The following OSBPL6 variants were observed in gnomAD, a reference collection of about 807,000 sequenced individuals.
The protein encoded by OSBPL6 is oxysterol binding protein like 6, also known as oxysterol-binding protein-related protein 6.
In OSBPL6, 49 loss-of-function variants were observed where a neutral mutation model predicts 125.8. The ratio of observed to expected loss-of-function variants is 0.39; its 90% CI spans 0.31 to 0.49. The LOEUF (loss-of-function observed/expected upper bound fraction) is 0.49. Among genes scored for constraint, OSBPL6 ranks in the 20% least tolerant of loss-of-function variants. The pLI is 0.88. For missense variants in OSBPL6, 986 were observed against 1,135.4 expected (o/e 0.87, Z 1.89); for synonymous variants, 394 against 391.8 (o/e 1.01, Z -0.07).
At chr2:178,349,184 G>A (rs1691002944) in intron 11 of OSBPL6, 40 bp from the exon 12 acceptor site, 1 of 1,589,562 alleles carries the variant, frequency 6.3e-7, no homozygotes. Context: ...GTGAAACAAT[G>A]CACTGTTGCT....
intron 3 of OSBPL6, among the ~76,000 whole-genome samples, chr2:178,317,518 A>C (rs1355983044): frequency 6.8e-6 from 1 of 146,000 alleles, no homozygotes; most frequent in East Asian, 2.0e-4. Flanking sequence ...ATTTATGAGA[A>C]CATATTGTAT....
chr2:178,391,164 A>G lies in OSBPL6; in HGVS notation c.2393A>G (p.His798Arg). The G allele has an allele frequency of 6.2e-7, 1 of 1,613,992 alleles. No individual in the cohort carries two copies. The change falls in exon 22 of 25, where the codon CAT becomes CGT. Residue 798 changes from histidine (H) to arginine (R), a missense_variant. This residue lies in a region of OSBPL6 where 843 missense variants were observed against 997.3 expected (regional missense o/e 0.85). Coordinates refer to ENST00000190611, the MANE Select transcript of OSBPL6 (RefSeq NM_032523.4). ...KAVYRLFGKW[H>R]EGLYCGVAPS... Reference sequence around the variant, plus strand: ...GTGTACCGGCTGTTTGGAAAGTGGCATGAAGGACTCTACTGTGGTGTGGCC... The same window carrying G: ...GTGTACCGGCTGTTTGGAAAGTGGCGTGAAGGACTCTACTGTGGTGTGGCC...
chr2:178,369,520 G>C (rs1693181295), intron 13 of OSBPL6, among the ~76,000 whole-genome samples: 1 of 152,206 alleles, frequency 6.6e-6, no homozygotes, highest in Non-Finnish European at 1.5e-5. Flanking sequence ...GAAAGGTTAA[G>C]TAACTTGGTG....
chr2:178,353,062 G>T (rs1180316680), intron 12 of OSBPL6, among the ~76,000 whole-genome samples: 1 of 152,146 alleles, frequency 6.6e-6, no homozygotes, highest in African/African-American at 2.4e-5. Context: ...CAACAAAAAG[G>T]TCATCTACAC....
At chr2:178,310,672 C>T (rs1183696263) in intron 3 of OSBPL6, among the ~76,000 whole-genome samples, 3 of 152,148 alleles carry the variant, frequency 2.0e-5, no homozygotes, top group African/African-American at 7.2e-5. Flanking sequence ...CCACCTCGGC[C>T]TCCCAAAGTG....
intron 23 of OSBPL6, among the ~76,000 whole-genome samples, 153 bp from the exon 24 acceptor site, chr2:178,394,160 C>G (rs115719270): frequency 2.6e-5 from 4 of 152,330 alleles, no homozygotes; most frequent in African/African-American, 9.6e-5. Context: ...GATCACACCA[C>G]TGCACTCCAG....
At chr2:178,328,436 T>G in intron 5 of OSBPL6, 58 bp downstream of exon 5, 1 of 1,584,664 alleles carries the variant, frequency 6.3e-7, no homozygotes, top group Non-Finnish European at 8.6e-7. Context: ...AAGATCTTAT[T>G]TGCTATCATG....
intron 23 of OSBPL6, among the ~76,000 whole-genome samples, chr2:178,393,098 C>A (rs1210311540): frequency 6.6e-6 from 1 of 152,132 alleles, no homozygotes; most frequent in Non-Finnish European, 1.5e-5. Context: ...CAAAGTTTCT[C>A]CCTCCCCCTA....
intron 11 of OSBPL6, among the ~76,000 whole-genome samples, chr2:178,348,121 A>C (rs1690900627): frequency 6.6e-6 from 1 of 152,120 alleles, no homozygotes; most frequent in Admixed American, 6.5e-5. Flanking sequence ...TTCTCTCACC[A>C]AATAGGAAGT....
chr2:178,255,778 A>G (rs1559167910), intron 1 of OSBPL6, among the ~76,000 whole-genome samples: 2 of 152,172 alleles, frequency 1.3e-5, no homozygotes, highest in African/African-American at 4.8e-5. Context: ...TTCAATTCCA[A>G]ATCCTGGAGA....
chr2:178,264,452 C>T (rs1009522574), intron 1 of OSBPL6, among the ~76,000 whole-genome samples: 7 of 152,140 alleles, frequency 4.6e-5, no homozygotes, highest in Non-Finnish European at 8.8e-5. Context: ...GTGATAAGGG[C>T]CCGTTTCACA....
chr2:178,381,339 C>G (rs1297289949), intron 15 of OSBPL6, among the ~76,000 whole-genome samples: 3 of 152,084 alleles, frequency 2.0e-5, no homozygotes, highest in African/African-American at 7.2e-5. Context: ...GTCACAGAGG[C>G]CAACTGAATC....
chr2:178,375,091 G>A (rs1393821113), intron 15 of OSBPL6, among the ~76,000 whole-genome samples: 2 of 152,140 alleles, frequency 1.3e-5, no homozygotes, highest in Non-Finnish European at 2.9e-5. Flanking sequence ...ACTCTCAGAT[G>A]GACAGAATAA....
intron 1 of OSBPL6, among the ~76,000 whole-genome samples, chr2:178,280,830 G>A (rs1992752): frequency 0.011 from 1,736 of 152,106 alleles, 32 homozygotes; most frequent in African/African-American, 0.04. Context: ...TTGTAAATTC[G>A]TTTAAGTTCC....
At chr2:178,274,293 T>C (rs1391533000) in intron 1 of OSBPL6, among the ~76,000 whole-genome samples, 2 of 151,462 alleles carry the variant, frequency 1.3e-5, no homozygotes, top group Non-Finnish European at 2.9e-5. Context: ...TTGAGGCTTA[T>C]GTGGGCGAGG....
chr2:178,324,102 A>G, intron 3 of OSBPL6, 75 bp from the exon 4 acceptor site: 1 of 952,690 alleles, frequency 1.0e-6, no homozygotes, highest in Non-Finnish European at 1.6e-6. Context: ...TGTGTTGTGT[A>G]TGATTTCATC....
chr2:178,386,397 T>C (rs1404131473), intron 19 of OSBPL6, among the ~76,000 whole-genome samples: 3 of 152,210 alleles, frequency 2.0e-5, no homozygotes, highest in Admixed American at 2.0e-4. Context: ...TGGGCCCTGG[T>C]CTATATCTTA....
rs187096574 is a variant in OSBPL6 at position 178,370,444 on chromosome 2, T to C, written c.1288-1682T>C. Among the ~76,000 whole-genome samples the C allele has an allele frequency of 2.0e-5, 3 of 152,322 alleles. No homozygotes were observed. The East Asian group carries it at 5.8e-4, about 29-fold the overall frequency. Reference sequence around the variant, plus strand: ...ACAAAGAAGAAATCAGCATCTTTTGTGGTCCTAACTTATAGGAGAAAGGCC... The same window carrying C: ...ACAAAGAAGAAATCAGCATCTTTTGCGGTCCTAACTTATAGGAGAAAGGCC... On this transcript the variant is annotated intron_variant, in intron 13 of 24. Coordinates refer to ENST00000190611, the MANE Select transcript of OSBPL6 (RefSeq NM_032523.4).
At chr2:178,293,072 T>C (rs894105917) in intron 2 of OSBPL6, among the ~76,000 whole-genome samples, 8 of 152,288 alleles carry the variant, frequency 5.3e-5, no homozygotes, top group Middle Eastern at 3.4e-3. Context: ...TGTCAGCTTC[T>C]GAAAAACTGG....
Sources: gnomAD v4.1 joint callset for allele counts (sites outside exome capture counted in the v4.1 genomes callset) on GRCh38, gnomAD v4.1.1 for gene constraint, gnomAD v4.1.1 regional missense constraint, MANE v1.5 for transcripts, NCBI Gene and HGNC (gene_info 2026-07-23, HGNC 2026-07-21) for gene names.